Variants in ATP10A observed in about 807,000 individuals in gnomAD.
ATP10A encodes phospholipid-transporting ATPase VA.
ATP10A carries 111 observed loss-of-function variants against 147.8 expected under a neutral mutation model. The ratio of observed to expected loss-of-function variants is 0.75; its 90% CI spans 0.64 to 0.88. ATP10A has a LOEUF of 0.88. ATP10A is among the 40% of genes least tolerant of loss of function. The pLI, the probability that ATP10A is intolerant of heterozygous loss-of-function variation, is 0.00. For synonymous variants in ATP10A, 875 were observed against 841.6 expected (o/e 1.04, Z -0.69); for missense variants, 1,927 against 1,959.0 (o/e 0.98, Z 0.31).
Position 25,695,063 on chromosome 15 carries a change from G to C in ATP10A, c.2844C>G (p.Gly948=). The C allele has an allele frequency of 6.2e-7, 1 of 1,614,214 alleles. No individual in the cohort carries two copies. Among genetic ancestry groups the C allele is most frequent in the South Asian group, 1.1e-5 (1 of 91,090 alleles). The part of the protein sequence containing the change: ...GLQRAPEKTK[G]KVSMRFSSLC... The stretch of plus-strand genomic sequence containing the variant: ...GAGAGGAGAACCTCATGCTCACTTT[G>C]CCCTTGGTCTTCTCAGGGGCTCTCT... The change falls in exon 14 of 21, where the codon GGC becomes GGG. Residue 948 remains glycine (G), a synonymous_variant. Coordinates refer to ENST00000555815, the MANE Select transcript of ATP10A (RefSeq NM_024490.4).
At chr15:25,802,381 C>A (rs892324714) in intron 1 of ATP10A, among the ~76,000 whole-genome samples, 6 of 151,806 alleles carry the variant, frequency 4.0e-5, no homozygotes, top group Non-Finnish European at 8.8e-5. Context: ...GGCCCGTGAG[C>A]CTCCCTGTTG....
intron 2 of ATP10A, among the ~76,000 whole-genome samples, chr15:25,747,450 C>T (rs1887908191): frequency 6.6e-6 from 1 of 151,408 alleles, no homozygotes; most frequent in South Asian, 2.1e-4. Flanking sequence ...AAAAAGAAGA[C>T]TATACTAAAC....
intron 2 of ATP10A, among the ~76,000 whole-genome samples, chr15:25,737,551 G>A (rs11161212): frequency 0.7 from 105,766 of 151,960 alleles, 39,654 homozygotes; most frequent in Non-Finnish European, 0.85. Flanking sequence ...GGGAGTGTGC[G>A]CAGGGGAGGT....
At chr15:25,860,981 G>C (rs1893732842) in intron 1 of ATP10A, among the ~76,000 whole-genome samples, 2 of 152,202 alleles carry the variant, frequency 1.3e-5, no homozygotes, top group African/African-American at 4.8e-5. Flanking sequence ...CCCCACCAGG[G>C]CTATGTGGTG....
intron 2 of ATP10A, among the ~76,000 whole-genome samples, chr15:25,763,792 T>A (rs1403118552): frequency 6.6e-6 from 1 of 152,184 alleles, no homozygotes; most frequent in African/African-American, 2.4e-5. Flanking sequence ...CAATAAGCAA[T>A]GGAAATAAAG....
In ATP10A at chr15:25,714,044, C is replaced by T; in HGVS notation, c.1974G>A (p.Leu658=). 6.2e-7 allele frequency: 1 copy of T among 1,612,134 alleles called. No homozygotes were observed. The highest frequency in any genetic ancestry group is 8.5e-7 in the Non-Finnish European group (1 of 1,179,966). ...TGGCGATGGCCGAGGTGGGCTGGCC[C>T]AGCCTCTCCTCCAGCCTGAGAAGCA... ...DGMLLRLEER[L]GQPTSAIASN... Residue 658 remains leucine, a synonymous_variant, in exon 10 of 21, where the codon CTG becomes CTA. Coordinates refer to ENST00000555815, the MANE Select transcript of ATP10A (RefSeq NM_024490.4).
At chr15:25,791,446 G>C (rs936010348) in intron 1 of ATP10A, among the ~76,000 whole-genome samples, 9 of 152,118 alleles carry the variant, frequency 5.9e-5, no homozygotes, top group Non-Finnish European at 1.0e-4. Context: ...TACTGCAGTG[G>C]CACAATCACA....
At chr15:25,673,713 G>GCC (rs1417130056), downstream of ATP10A, among the ~76,000 whole-genome samples, 2 of 151,204 alleles carry the variant, frequency 1.3e-5, no homozygotes, top group Non-Finnish European at 2.9e-5. Context: ...AGACTGCCAT[G>GCC]CCCAGAAGTC....
chr15:25,855,738 T>C (rs561791466), intron 1 of ATP10A, among the ~76,000 whole-genome samples: 1 of 152,298 alleles, frequency 6.6e-6, no homozygotes, highest in South Asian at 2.1e-4. Flanking sequence ...AGGTATCAAG[T>C]TGAAAGGGAA....
chr15:25,708,761 T>C (rs1901210135), intron 10 of ATP10A: 1 of 162,710 alleles, frequency 6.1e-6, no homozygotes, highest in African/African-American at 2.4e-5. Flanking sequence ...TCTTACTTAA[T>C]GGGAAGTGCA....
rs561385718 is a variant in ATP10A, at chr15:25,727,086, A to G, written c.847+74T>C. The G allele has an allele frequency of 3.4e-5, 40 of 1,174,948 alleles. No individual in the cohort carries two copies. In the Admixed American group the frequency reaches 8.0e-4, roughly 24 times the overall value. 72.8% of individuals were successfully genotyped at this position (1,174,948 alleles called of 1,614,324 possible). ...AAAAAAATGAAAAAGAAAAAAGAAA[A>G]GAAAACAGTGAGGGGAAGTGCTGGA... On this transcript the variant is annotated intron_variant, in intron 4 of 20. Transcript: ENST00000555815.
chr15:25,839,634 C>T (rs571674908), intron 1 of ATP10A, among the ~76,000 whole-genome samples: 1 of 152,316 alleles, frequency 6.6e-6, no homozygotes, highest in South Asian at 2.1e-4. Flanking sequence ...GCAGGAGCCC[C>T]ACCTGGGCAA....
At chr15:25,705,346 G>A (rs1377187866) in intron 12 of ATP10A, among the ~76,000 whole-genome samples, 1 of 151,508 alleles carries the variant, frequency 6.6e-6, no homozygotes, top group Non-Finnish European at 1.5e-5. Context: ...TGAGGCGGGA[G>A]GATCACTAGA....
At chr15:25,772,963 T>C (rs1889414050) in intron 2 of ATP10A, among the ~76,000 whole-genome samples, 1 of 152,176 alleles carries the variant, frequency 6.6e-6, no homozygotes, top group African/African-American at 2.4e-5. Context: ...CGAAGTCATT[T>C]CCTTGGCACA....
chr15:25,763,746 G>A (rs1888879105), intron 2 of ATP10A, among the ~76,000 whole-genome samples: 1 of 152,162 alleles, frequency 6.6e-6, no homozygotes, highest in South Asian at 2.1e-4. Flanking sequence ...GCAGATGAGA[G>A]CTGGCCAGTT....
At chr15:25,708,697 T>A (rs570467160) in intron 10 of ATP10A, 1 of 174,708 alleles carries the variant, frequency 5.7e-6, no homozygotes, top group South Asian at 1.3e-4. Flanking sequence ...TCATTTGGCA[T>A]CCTTTTGCCC....
At chr15:25,833,408 C>G (rs190279333) in intron 1 of ATP10A, among the ~76,000 whole-genome samples, 1 of 152,240 alleles carries the variant, frequency 6.6e-6, no homozygotes, top group East Asian at 1.9e-4. Flanking sequence ...AAGTCCAGCC[C>G]CGCAGAGCCG....
intron 1 of ATP10A, among the ~76,000 whole-genome samples, chr15:25,797,763 G>C (rs1183222067): frequency 6.6e-6 from 1 of 152,112 alleles, no homozygotes; most frequent in African/African-American, 2.4e-5. Flanking sequence ...CACATCACCA[G>C]GAGACTGCCG....
chr15:25,761,501 C>T (rs553938395), intron 2 of ATP10A, among the ~76,000 whole-genome samples: 2 of 152,374 alleles, frequency 1.3e-5, no homozygotes, highest in South Asian at 2.1e-4. Context: ...AGACACTCAA[C>T]GCCAGCTGTG....
Sources: allele counts gnomAD v4.1 joint callset (sites outside exome capture counted in the v4.1 genomes callset), GRCh38; gene constraint gnomAD v4.1.1; transcripts MANE v1.5; gene names NCBI Gene and HGNC (gene_info 2026-07-23, HGNC 2026-07-21).